ANKRD39: variants seen among roughly 807,000 people sequenced by gnomAD.
The protein encoded by ANKRD39 is ankyrin repeat domain-containing protein 39.
In ANKRD39, 18 loss-of-function variants were observed where a neutral mutation model predicts 20.3. The ratio of observed to expected loss-of-function variants is 0.89; its 90% CI spans 0.61 to 1.32. ANKRD39 has a LOEUF of 1.32. Among genes scored for constraint, ANKRD39 ranks in the 40% most tolerant of loss-of-function variants. ANKRD39 has a pLI of 0.00. For missense variants in ANKRD39, 243 were observed against 250.7 expected, an observed-to-expected ratio of 0.97 and a Z score of 0.21; for synonymous variants, 106 against 111.9, an observed-to-expected ratio of 0.95 and a Z score of 0.33.
chr2:96,848,104 A>G lies in ANKRD39; in HGVS notation c.*197T>C. 1.7e-6 allele frequency: 1 copy of G among 582,330 alleles called. No homozygotes were observed. The highest frequency in any genetic ancestry group is 2.8e-6 in the Non-Finnish European group (1 of 351,700). 36.1% of individuals were successfully genotyped at this position (582,330 alleles called of 1,614,324 possible). The stretch of plus-strand genomic sequence containing the variant: ...GATGTCTCATATGAACTAATTTAGA[A>G]TATGATCATCTGTCCAGTCTTAAAC... On this transcript the variant is annotated 3_prime_UTR_variant, in exon 4 of 4. Transcript: ENST00000393537.
chr2:96,856,279 C>G (rs1416432119), intron 1 of ANKRD39, among the ~76,000 whole-genome samples: 1 of 151,824 alleles, frequency 6.6e-6, no homozygotes, highest in Non-Finnish European at 1.5e-5. Flanking sequence ...CCGAGATCAG[C>G]CTGACCAATA....
rs1447127731 is a variant in ANKRD39, at chr2:96,853,352, A to G, written c.408+49T>C. On this transcript the variant is annotated intron_variant, in intron 3 of 3. Coordinates refer to ENST00000393537, the MANE Select transcript of ANKRD39 (RefSeq NM_016466.6). ...CATGTTTTCTACATGAACATGTTAT[A>G]ACTTTAAAAATAAGGAAACGACATT... 5 of 1,531,890 alleles carry G rather than the reference A, an allele frequency of 3.3e-6. No individual in the cohort carries two copies. The African/African-American group carries it at 6.9e-5, about 21-fold the overall frequency. The allele number at this position is 1,531,890 out of a possible 1,614,324, so 94.9% of individuals were successfully genotyped here.
chr2:96,854,435 C>G lies in ANKRD39; in HGVS notation c.107G>C (p.Trp36Ser), dbSNP rs1298645141. 1 of 1,614,110 alleles carries G rather than the reference C, an allele frequency of 6.2e-7. No individual in the cohort carries two copies. Among genetic ancestry groups the G allele is most frequent in the Non-Finnish European group, 8.5e-7 (1 of 1,179,988 alleles). ...LEEMDFERGI[W>S]SAALNGDLGR... Reference sequence around the variant, plus strand: ...CAGGTCTCCATTCAGGGCTGCCGACCAGATTCCTGCAGAAAGGCAACCAAA... The same window carrying G: ...CAGGTCTCCATTCAGGGCTGCCGACGAGATTCCTGCAGAAAGGCAACCAAA... Residue 36 changes from tryptophan (W) to serine (S), a missense_variant, in exon 2 of 4, where the codon TGG becomes TCG. Trp to Ser is a radical substitution (Grantham distance 177). Coordinates refer to ENST00000393537, the MANE Select transcript of ANKRD39 (RefSeq NM_016466.6).
intron 1 of ANKRD39, among the ~76,000 whole-genome samples, chr2:96,854,882 C>G (rs527371703): frequency 6.6e-6 from 1 of 152,268 alleles, no homozygotes; most frequent in Admixed American, 6.5e-5. Context: ...CCTTGGCCTC[C>G]CAAAGTGCTG....
intron 3 of ANKRD39, among the ~76,000 whole-genome samples, chr2:96,852,934 A>G (rs2079845436): frequency 6.6e-6 from 1 of 152,144 alleles, no homozygotes; most frequent in Non-Finnish European, 1.5e-5. Context: ...GGTAAAGTGA[A>G]CACCTCAAAG....
In ANKRD39 at chr2:96,853,395, G is replaced by C; in HGVS notation, c.408+6C>G. The stretch of plus-strand genomic sequence containing the variant: ...ACGACATTTTTGGAAGGGGGAACGG[G>C]CCCACCTTATGCAGACTGGTCATGC... On this transcript the variant is annotated splice_donor_region_variant and intron_variant, in intron 3 of 3. Coordinates refer to ENST00000393537, the MANE Select transcript of ANKRD39 (RefSeq NM_016466.6). The C allele has an allele frequency of 6.4e-7, 1 of 1,567,568 alleles. No homozygotes were observed. Among genetic ancestry groups the C allele is most frequent in the Non-Finnish European group, 8.6e-7 (1 of 1,156,136 alleles).
chr2:96,857,480 G>C (rs930409683), intron 1 of ANKRD39, among the ~76,000 whole-genome samples: 1 of 152,198 alleles, frequency 6.6e-6, no homozygotes, highest in East Asian at 1.9e-4. Context: ...CTAAACAAAG[G>C]CCACTGCTCT....
chr2:96,857,816 T>TCTCCTTGGCCCCACGCCTC, intron 1 of ANKRD39, 72 bp downstream of exon 1: 1 of 1,465,170 alleles, frequency 6.8e-7, no homozygotes, highest in Non-Finnish European at 9.2e-7. Flanking sequence ...TTCATCCGCC[T>TCTCCTTGGCCCCACGCCTC]CTCCTTGGCC....
intron 3 of ANKRD39, among the ~76,000 whole-genome samples, chr2:96,852,802 T>C (rs2079844835): frequency 1.3e-5 from 2 of 152,060 alleles, no homozygotes; most frequent in African/African-American, 2.4e-5. Flanking sequence ...GCAGGGTAGC[T>C]CACACCCGTA....
chr2:96,850,688 A>C (rs1057345639), intron 3 of ANKRD39, among the ~76,000 whole-genome samples: 11 of 152,034 alleles, frequency 7.2e-5, no homozygotes, highest in Middle Eastern at 6.3e-3. Flanking sequence ...AAACAAAAAA[A>C]AAAACAAAAA....
intron 2 of ANKRD39, among the ~76,000 whole-genome samples, 165 bp from the exon 3 acceptor site, chr2:96,853,769 GT>G (rs2079850180): frequency 6.6e-6 from 1 of 152,232 alleles, no homozygotes; most frequent in African/African-American, 2.4e-5. Context: ...ACTAACCTGA[GT>G]TTGTTCAATT....
At position 96,853,642 on chromosome 2, in the gene ANKRD39, C is replaced by A. The variant is rs761178019; in HGVS notation, c.205-38G>T. Reference sequence around the variant, plus strand: ...GAGACCGAGGTCAGATGGGAGAAGCCAGGCAGGTGACAAGGGTGGTATAGA... The same window carrying A: ...GAGACCGAGGTCAGATGGGAGAAGCAAGGCAGGTGACAAGGGTGGTATAGA... On this transcript the variant is annotated intron_variant, in intron 2 of 3. Coordinates refer to ENST00000393537, the MANE Select transcript of ANKRD39 (RefSeq NM_016466.6). The A allele has an allele frequency of 2.5e-6, 4 of 1,597,280 alleles. 1 individual carries two copies. The South Asian group carries it at 4.5e-5, about 18-fold the overall frequency.
intron 3 of ANKRD39, among the ~76,000 whole-genome samples, chr2:96,849,699 C>T (rs1574134317): frequency 6.6e-6 from 1 of 152,062 alleles, no homozygotes; most frequent in East Asian, 1.9e-4. Context: ...CCATGTTGCC[C>T]AGGCTGGTCT....
intron 3 of ANKRD39, among the ~76,000 whole-genome samples, chr2:96,851,103 C>T (rs1398405112): frequency 6.6e-6 from 1 of 152,100 alleles, no homozygotes; most frequent in Non-Finnish European, 1.5e-5. Flanking sequence ...AAGCGATTCT[C>T]GTGCCTCAGT....
rs185396167 is a variant in ANKRD39, at chr2:96,850,430, C to A, written c.409-1986G>T. On this transcript the variant is annotated intron_variant, in intron 3 of 3. Transcript: ENST00000393537. The stretch of plus-strand genomic sequence containing the variant: ...CTGTAATCCCAGAACTTTGGGAGGC[C>A]GAGGGAGGGGGGATCACCTGAGGTC... Among the ~76,000 whole-genome samples the A allele has an allele frequency of 5.9e-3, 900 of 152,142 alleles. 13 individuals are homozygous for A. The highest frequency in any genetic ancestry group is 0.021 in the African/African-American group (857 of 41,494).
intron 1 of ANKRD39, among the ~76,000 whole-genome samples, chr2:96,856,289 A>G (rs1383025643): frequency 1.3e-5 from 2 of 151,980 alleles, no homozygotes; most frequent in Non-Finnish European, 2.9e-5. Flanking sequence ...CCTGACCAAT[A>G]TGGTGAAACC....
At chr2:96,850,620 G>A (rs2079832020) in intron 3 of ANKRD39, among the ~76,000 whole-genome samples, 1 of 151,780 alleles carries the variant, frequency 6.6e-6, no homozygotes, top group African/African-American at 2.4e-5. Flanking sequence ...AGCTGAGATT[G>A]TGCCACTGCA....
Position 96,848,268 on chromosome 2 carries a change from C to T in ANKRD39, c.*33G>A, listed in dbSNP as rs748878376. On this transcript the variant is annotated 3_prime_UTR_variant, in exon 4 of 4. Transcript: ENST00000393537. ...GGGGCTTGGAGAACTGGTCTGTGTA[C>T]CCTTTAAAGGCAGCTGGAGATAGGG... 1.2e-6 allele frequency: 2 copies of T among 1,612,228 alleles called. No individual in the cohort carries two copies. The highest frequency in any genetic ancestry group is 1.1e-5 in the South Asian group (1 of 90,968).
At chr2:96,849,849 CTCTTT>C (rs2079828274) in intron 3 of ANKRD39, among the ~76,000 whole-genome samples, 2 of 152,128 alleles carry the variant, frequency 1.3e-5, no homozygotes, top group Admixed American at 6.5e-5. Flanking sequence ...TTCTCTTCTT[CTCTTT>C]TAAGGTAGGA....
Sources: allele counts gnomAD v4.1 joint callset (sites outside exome capture counted in the v4.1 genomes callset), GRCh38; gene constraint gnomAD v4.1.1; transcripts MANE v1.5; gene names NCBI Gene and HGNC (gene_info 2026-07-23, HGNC 2026-07-21).